The following SDK1 variants were observed in gnomAD, a reference collection of about 807,000 sequenced individuals.
SDK1 encodes protein sidekick-1.
In SDK1, 157 loss-of-function variants were observed where a neutral mutation model predicts 245.5. That is an observed-to-expected ratio of 0.64 (90% CI 0.56 to 0.73). The LOEUF is 0.73. Ranked by LOEUF, SDK1 falls within the 30% of genes least tolerant of loss-of-function variation. The pLI, the probability that SDK1 is intolerant of heterozygous loss-of-function variation, is 0.00. For synonymous variants in SDK1, 1,647 were observed against 1,278.5 expected, an observed-to-expected ratio of 1.29 and a Z score of -6.15; for missense variants, 3,583 against 3,002.3, an observed-to-expected ratio of 1.19 and a Z score of -4.52.
chr7:4,142,716 G>T (rs569100147), intron 28 of SDK1, among the ~76,000 whole-genome samples: 2 of 152,260 alleles, frequency 1.3e-5, no homozygotes, highest in South Asian at 4.1e-4. Context: ...ACCCTCCTTG[G>T]CCTCCCAAAA....
At chr7:3,920,478 T>C (rs1333460526) in intron 5 of SDK1, among the ~76,000 whole-genome samples, 4 of 151,974 alleles carry the variant, frequency 2.6e-5, no homozygotes, top group African/African-American at 9.7e-5. Flanking sequence ...TCTAAGACTG[T>C]GTTTCTAGCT....
intron 19 of SDK1, 80 bp from the exon 20 acceptor site, chr7:4,067,758 G>A (rs1779994816): frequency 5.8e-6 from 6 of 1,030,452 alleles, no homozygotes; most frequent in Non-Finnish European, 8.8e-6. Flanking sequence ...TCCTTCCATA[G>A]TTAGAACCTT....
chr7:3,345,224 G>A (rs556784022), intron 1 of SDK1, among the ~76,000 whole-genome samples: 2 of 152,236 alleles, frequency 1.3e-5, no homozygotes, highest in African/African-American at 4.8e-5. Context: ...TAGTGAAAAT[G>A]CTTATGCTGA....
chr7:3,827,370 G>T (rs552112514), intron 5 of SDK1, among the ~76,000 whole-genome samples: 1 of 151,842 alleles, frequency 6.6e-6, no homozygotes, highest in African/African-American at 2.4e-5. Flanking sequence ...CTTTCTTTCC[G>T]AACGAGATGG....
intron 19 of SDK1, among the ~76,000 whole-genome samples, chr7:4,062,157 A>C (rs1295746071): frequency 6.6e-6 from 1 of 152,206 alleles, no homozygotes; most frequent in Non-Finnish European, 1.5e-5. Flanking sequence ...AAACAATACA[A>C]ATGGTTAAAC....
At chr7:4,074,007 G>T (rs1780452111) in intron 20 of SDK1, among the ~76,000 whole-genome samples, 1 of 152,134 alleles carries the variant, frequency 6.6e-6, no homozygotes, top group Admixed American at 6.5e-5. Flanking sequence ...ATCGCCTATT[G>T]GTTGTTGGGC....
chr7:4,206,130 T>C, intron 36 of SDK1, 136 bp downstream of exon 36: 1 of 617,036 alleles, frequency 1.6e-6, no homozygotes, highest in Non-Finnish European at 2.8e-6. Flanking sequence ...CGTCGGAGCT[T>C]GGCTAGACCT....
At chr7:3,340,091 G>T (rs1283376438) in intron 1 of SDK1, among the ~76,000 whole-genome samples, 2 of 151,842 alleles carry the variant, frequency 1.3e-5, no homozygotes, top group Non-Finnish European at 2.9e-5. Context: ...TGACAATGTA[G>T]AGGAAATATC....
At position 4,022,489 on chromosome 7, in the gene SDK1, G is replaced by A. The variant is rs183197247; in HGVS notation, c.2602+5137G>A. On this transcript the variant is annotated intron_variant, in intron 17 of 44. Transcript: ENST00000404826. ...CGGGTGTGGAACTTGCTAGGCTGCC[G>A]TCTCAAAGAGAACTCAGCAGTGACA... Among the ~76,000 whole-genome samples the A allele has an allele frequency of 1.1e-4, 17 of 152,308 alleles. No homozygotes were observed. The East Asian group carries it at 2.9e-3, about 26-fold the overall frequency.
At chr7:3,760,533 C>A (rs1423846660) in intron 4 of SDK1, among the ~76,000 whole-genome samples, 6 of 152,214 alleles carry the variant, frequency 3.9e-5, no homozygotes, top group Non-Finnish European at 7.3e-5. Flanking sequence ...CCAAATAAAT[C>A]TCTTTTTGTA....
chr7:3,965,447 C>G (rs1782016405), intron 9 of SDK1, among the ~76,000 whole-genome samples: 1 of 152,136 alleles, frequency 6.6e-6, no homozygotes, highest in Non-Finnish European at 1.5e-5. Flanking sequence ...ACAAACAAAT[C>G]AATGATTGTG....
chr7:3,430,700 G>C (rs934508287), intron 1 of SDK1, among the ~76,000 whole-genome samples: 2 of 152,182 alleles, frequency 1.3e-5, no homozygotes, highest in African/African-American at 2.4e-5. Context: ...ACTGGAGTTC[G>C]TTAGGTATCC....
At chr7:3,726,143 G>C (rs755650020) in intron 4 of SDK1, among the ~76,000 whole-genome samples, 37 of 152,206 alleles carry the variant, frequency 2.4e-4, no homozygotes, top group Non-Finnish European at 3.4e-4. Context: ...AGGATCTAGG[G>C]ATATGAGAAT....
At chr7:3,540,209 C>T (rs1035825882) in intron 1 of SDK1, among the ~76,000 whole-genome samples, 6 of 152,148 alleles carry the variant, frequency 3.9e-5, no homozygotes, top group Non-Finnish European at 8.8e-5. Flanking sequence ...GAGTTCAAGA[C>T]CAGCCTGGCC....
chr7:3,563,371 C>T (rs765405698), intron 1 of SDK1, among the ~76,000 whole-genome samples: 1 of 151,948 alleles, frequency 6.6e-6, no homozygotes, highest in Non-Finnish European at 1.5e-5. Flanking sequence ...TTATAAGAGA[C>T]ACACTTCAAA....
At chr7:3,369,615 ATGTT>A (rs1436600595) in intron 1 of SDK1, among the ~76,000 whole-genome samples, 1 of 152,204 alleles carries the variant, frequency 6.6e-6, no homozygotes, top group African/African-American at 2.4e-5. Context: ...GAAGAATAGG[ATGTT>A]GTATATAAGA....
intron 4 of SDK1, among the ~76,000 whole-genome samples, chr7:3,699,891 A>G (rs1457153211): frequency 6.6e-6 from 1 of 152,238 alleles, no homozygotes; most frequent in Admixed American, 6.5e-5. Flanking sequence ...ATGCACATCA[A>G]GAAACATAGT....
chr7:4,129,622 A>T (rs1784655607), intron 26 of SDK1: 10 of 1,273,972 alleles, frequency 7.8e-6, no homozygotes, highest in African/African-American at 1.5e-5. Context: ...TGTGGTTGGC[A>T]TGGCTGCAGT....
chr7:3,310,705 T>C (rs1779529659), intron 1 of SDK1, among the ~76,000 whole-genome samples: 1 of 152,156 alleles, frequency 6.6e-6, no homozygotes, highest in African/African-American at 2.4e-5. Context: ...ATAGATGAAT[T>C]TTGCAACCAG....
Sources: gnomAD v4.1 joint callset for allele counts (sites outside exome capture counted in the v4.1 genomes callset) on GRCh38, gnomAD v4.1.1 for gene constraint, MANE v1.5 for transcripts, NCBI Gene and HGNC (gene_info 2026-07-23, HGNC 2026-07-21) for gene names.